SLC4A10: variants seen among roughly 807,000 people sequenced by gnomAD.
The protein encoded by SLC4A10 is solute carrier family 4 member 10, also known as sodium-driven chloride bicarbonate exchanger.
SLC4A10 carries 42 observed loss-of-function variants against 137.7 expected under a neutral mutation model. The ratio of observed to expected loss-of-function variants is 0.30; its 90% confidence interval spans 0.24 to 0.39. SLC4A10 has a LOEUF of 0.39. Ranked by LOEUF, SLC4A10 falls within the 10% of genes least tolerant of loss-of-function variation. The probability of loss-of-function intolerance (pLI) is 1.00; values close to 1 mark genes in which losing one functional copy is unlikely to be tolerated. For synonymous variants in SLC4A10, 474 were observed against 464.1 expected (o/e 1.02, Z -0.27); for missense variants, 925 against 1,355.0 (o/e 0.68, Z 4.98).
At chr2:161,879,032 T>C in intron 8 of SLC4A10, 99 bp from the exon 9 acceptor site, 1 of 1,023,904 alleles carries the variant, frequency 9.8e-7, no homozygotes, top group Non-Finnish European at 1.4e-6. Context: ...TTAAACTATA[T>C]TTATTCATGG....
intron 1 of SLC4A10, among the ~76,000 whole-genome samples, chr2:161,654,904 GT>G (rs1305678162): frequency 6.6e-6 from 1 of 151,980 alleles, no homozygotes; most frequent in African/African-American, 2.4e-5. Context: ...TTTTCTATTT[GT>G]AAAAAAATGC....
intron 1 of SLC4A10, among the ~76,000 whole-genome samples, chr2:161,666,636 A>G (rs2039077854): frequency 1.3e-5 from 2 of 151,772 alleles, no homozygotes; most frequent in Admixed American, 1.3e-4. Flanking sequence ...GATATTATGA[A>G]TAATTCATGA....
rs548680083 is a variant in SLC4A10 at position 161,698,607 on chromosome 2, G to A, written c.49-72366G>A. On this transcript the variant is annotated intron_variant, in intron 1 of 26. Transcript: ENST00000446997. ...TGGTTCTGTTTATATGCTGGATTAC[G>A]TTTACTGATTTGTGTATATTGAACC... is the stretch of plus-strand genomic sequence containing the variant. Among the ~76,000 whole-genome samples the A allele has an allele frequency of 4.6e-5, 7 of 152,188 alleles. No homozygotes were observed. The East Asian group carries it at 1.2e-3, about 25-fold the overall frequency.
At position 161,819,294 on chromosome 2, in the gene SLC4A10, G is replaced by A. The variant is rs753507965; in HGVS notation, c.277+14699G>A. On this transcript the variant is annotated intron_variant, in intron 3 of 26. Coordinates refer to ENST00000446997, the MANE Select transcript of SLC4A10 (RefSeq NM_001178015.2). Reference sequence around the variant, plus strand: ...CCTAGGTGAGTCTAAAGAGGAACTGGCTTTTGGTCTGTGTGGTAGTGGTGG... The same window carrying A: ...CCTAGGTGAGTCTAAAGAGGAACTGACTTTTGGTCTGTGTGGTAGTGGTGG... Among the ~76,000 whole-genome samples, 26 of 152,178 alleles carry A rather than the reference G, an allele frequency of 1.7e-4. 1 individual carries two copies. In the Middle Eastern group the frequency reaches 0.027, roughly 159 times the overall value.
chr2:161,909,173 GT>G (rs1316954665), intron 15 of SLC4A10, among the ~76,000 whole-genome samples: 1 of 151,542 alleles, frequency 6.6e-6, no homozygotes, highest in Non-Finnish European at 1.5e-5. Flanking sequence ...CATGGCACAT[GT>G]ATACATATGT....
intron 15 of SLC4A10, among the ~76,000 whole-genome samples, chr2:161,923,023 T>A (rs978463799): frequency 5.3e-5 from 8 of 152,214 alleles, no homozygotes; most frequent in African/African-American, 1.9e-4. Flanking sequence ...TTAGTAATAA[T>A]GTTGAAGGGA....
intron 2 of SLC4A10, among the ~76,000 whole-genome samples, chr2:161,787,060 T>C (rs1472612495): frequency 1.3e-5 from 2 of 152,070 alleles, no homozygotes; most frequent in Admixed American, 1.3e-4. Context: ...AAGAGTATTG[T>C]CCTTTTTCCC....
chr2:161,668,721 C>T (rs2039366945), intron 1 of SLC4A10, among the ~76,000 whole-genome samples: 1 of 151,932 alleles, frequency 6.6e-6, no homozygotes, highest in South Asian at 2.1e-4. Flanking sequence ...TCTTTTGGAA[C>T]ACATTACTTG....
In SLC4A10 at chr2:161,947,587, G is replaced by C. The variant is rs555576128; in HGVS notation, c.2125G>C (p.Glu709Gln). Residue 709 changes from glutamate (E) to glutamine (Q), a missense_variant, in exon 17 of 27, where the codon GAG (glutamate) becomes CAG (glutamine). Transcript: ENST00000446997. ...GCAGGAATGCAAATCATTGCATGGA[G>C]AGTATGTTGGACGGGCCTGTGGCCA... ...TVSECKSLHG[E>Q]YVGRACGHDH... is the part of the protein sequence containing the mutation. 1.2e-6 allele frequency: 2 copies of C among 1,612,410 alleles called. No homozygotes were observed. Among genetic ancestry groups the C allele is most frequent in the South Asian group, 2.2e-5 (2 of 90,860 alleles).
Position 161,789,811 on chromosome 2 carries a change from G to A in SLC4A10, c.131-14638G>A, listed in dbSNP as rs563084528. Among the ~76,000 whole-genome samples, 31 of 152,268 alleles carry A rather than the reference G, an allele frequency of 2.0e-4. No individual in the cohort carries two copies. In the South Asian group the frequency reaches 5.2e-3, roughly 25 times the overall value. ...AGGAGTTCAGGAGGCAAAGAAGGAA[G>A]GATCTGTTATATTCTGGGAATGGCA... On this transcript the variant is annotated intron_variant, in intron 2 of 26. Coordinates refer to ENST00000446997, the MANE Select transcript of SLC4A10 (RefSeq NM_001178015.2).
chr2:161,728,731 C>A (rs1288050877), intron 1 of SLC4A10, among the ~76,000 whole-genome samples: 1 of 152,064 alleles, frequency 6.6e-6, no homozygotes, highest in Non-Finnish European at 1.5e-5. Context: ...AACCATGATA[C>A]CAAAATCACA....
At chr2:161,799,212 A>G (rs758887297) in intron 2 of SLC4A10, among the ~76,000 whole-genome samples, 1 of 151,750 alleles carries the variant, frequency 6.6e-6, no homozygotes, top group Non-Finnish European at 1.5e-5. Flanking sequence ...CTTTAATTAA[A>G]TTTTTGGCCT....
intron 1 of SLC4A10, among the ~76,000 whole-genome samples, chr2:161,659,932 T>G (rs774750527): frequency 1.3e-5 from 2 of 152,050 alleles, no homozygotes; most frequent in Non-Finnish European, 2.9e-5. Context: ...ATTCAATTTA[T>G]ATGAAATGTC....
chr2:161,636,028 A>G (rs1452814000), intron 1 of SLC4A10, among the ~76,000 whole-genome samples: 1 of 152,118 alleles, frequency 6.6e-6, no homozygotes, highest in Non-Finnish European at 1.5e-5. Flanking sequence ...TCTTGGTTCA[A>G]TTTTAGCAGA....
intron 15 of SLC4A10, among the ~76,000 whole-genome samples, chr2:161,916,821 A>G (rs1687205040): frequency 6.6e-6 from 1 of 152,156 alleles, no homozygotes; most frequent in African/African-American, 2.4e-5. Flanking sequence ...CACCTACTCG[A>G]GAACTTTCTG....
chr2:161,736,194 A>C (rs2125215752), intron 1 of SLC4A10, among the ~76,000 whole-genome samples: 1 of 152,046 alleles, frequency 6.6e-6, no homozygotes, highest in East Asian at 1.9e-4. Context: ...TAAGTAATTG[A>C]TAGGCAATAA....
rs368656105 is a variant in SLC4A10, at chr2:161,869,993, C to A, written c.767-2300C>A. ...TGTCTGCTGCTAGTTAAACTCTCAA[C>A]TAGGTCATTATCAACATCACTTAAA... On this transcript the variant is annotated intron_variant, in intron 6 of 26. Transcript: ENST00000446997. 3.8e-4 allele frequency among the ~76,000 whole-genome samples: 57 copies of A among 151,542 alleles called. No homozygotes were observed. In the South Asian group the frequency reaches 5.6e-3, roughly 15 times the overall value.
At chr2:161,907,565 C>T (rs989902460) in intron 15 of SLC4A10, among the ~76,000 whole-genome samples, 1 of 152,118 alleles carries the variant, frequency 6.6e-6, no homozygotes, top group African/African-American at 2.4e-5. Context: ...GAAATGAGTG[C>T]CGGGTTAAGA....
At chr2:161,840,353 T>G (rs1267982811) in intron 4 of SLC4A10, among the ~76,000 whole-genome samples, 1 of 152,216 alleles carries the variant, frequency 6.6e-6, no homozygotes, top group Non-Finnish European at 1.5e-5. Flanking sequence ...ATGTGCTCTT[T>G]CATGAGGATA....
Sources: allele counts gnomAD v4.1 joint callset (sites outside exome capture counted in the v4.1 genomes callset), GRCh38; gene constraint gnomAD v4.1.1; transcripts MANE v1.5; gene names NCBI Gene and HGNC (gene_info 2026-07-23, HGNC 2026-07-21).